CSMD1: variants seen among roughly 807,000 people sequenced by gnomAD.
CSMD1 encodes CUB and Sushi multiple domains 1.
Under a neutral mutation model 417.5 loss-of-function variants are expected in CSMD1, and 213 were observed. That is an observed-to-expected ratio of 0.51 (90% CI 0.46 to 0.57). The LOEUF (loss-of-function observed/expected upper bound fraction) is 0.57. CSMD1 is among the 20% of genes least tolerant of loss of function. The pLI is 0.00. For synonymous variants in CSMD1, 2,862 were observed against 1,736.8 expected (o/e 1.65, Z -16.11); for missense variants, 6,923 against 4,529.7 (o/e 1.53, Z -15.17).
chr8:4,418,228 A>T lies in CSMD1; in HGVS notation c.415+1725T>A, dbSNP rs79984628. On this transcript the variant is annotated intron_variant, in intron 3 of 69. Coordinates refer to ENST00000635120, the MANE Select transcript of CSMD1 (RefSeq NM_033225.6). ...AATACCACAAAATCATTTTCTACAT[A>T]GCCACATTAAAAAATAAATCCAAGT... Among the ~76,000 whole-genome samples the T allele has an allele frequency of 5.1e-3, 769 of 152,252 alleles. 7 individuals are homozygous for T. The highest frequency in any genetic ancestry group is 0.017 in the Middle Eastern group (5 of 294).
At chr8:4,081,798 C>G (rs190283959) in intron 3 of CSMD1, among the ~76,000 whole-genome samples, 1 of 151,950 alleles carries the variant, frequency 6.6e-6, no homozygotes, top group Non-Finnish European at 1.5e-5. Context: ...CTTGAATACA[C>G]AATGGATCAA....
chr8:3,912,800 A>C (rs1808550371), intron 5 of CSMD1, among the ~76,000 whole-genome samples: 1 of 152,238 alleles, frequency 6.6e-6, no homozygotes, highest in Admixed American at 6.5e-5. Flanking sequence ...TGCTAGCTAG[A>C]GTAAACATGG....
chr8:4,775,188 T>A (rs903812730), intron 1 of CSMD1, among the ~76,000 whole-genome samples: 2 of 152,150 alleles, frequency 1.3e-5, no homozygotes, highest in African/African-American at 2.4e-5. Flanking sequence ...TCAACTAGAA[T>A]TTGATTATTT....
chr8:4,451,391 T>C lies in CSMD1; in HGVS notation c.303-31326A>G, dbSNP rs1272930776. Reference sequence around the variant, plus strand: ...CACAAGTGTTTATGGAAGATAATTATTGAACATGTGCTATGATCAGTGTTT... The same window carrying C: ...CACAAGTGTTTATGGAAGATAATTACTGAACATGTGCTATGATCAGTGTTT... On this transcript the variant is annotated intron_variant, in intron 2 of 69. Coordinates refer to ENST00000635120, the MANE Select transcript of CSMD1 (RefSeq NM_033225.6). Among the ~76,000 whole-genome samples the C allele has an allele frequency of 3.3e-5, 5 of 152,274 alleles. No individual in the cohort carries two copies. The East Asian group carries it at 9.7e-4, about 29-fold the overall frequency.
chr8:3,916,708 C>G (rs538181381), intron 5 of CSMD1, among the ~76,000 whole-genome samples: 67 of 152,052 alleles, frequency 4.4e-4, no homozygotes, highest in African/African-American at 1.5e-3. Flanking sequence ...ACAGTCATCA[C>G]AAGGATAGAA....
At chr8:3,890,361 T>C (rs573789023) in intron 5 of CSMD1, among the ~76,000 whole-genome samples, 77 of 152,232 alleles carry the variant, frequency 5.1e-4, no homozygotes, top group African/African-American at 1.8e-3. Context: ...GGTTTACTAC[T>C]TGGTAGGTAT....
At chr8:4,074,016 A>T (rs1179613354) in intron 3 of CSMD1, among the ~76,000 whole-genome samples, 1 of 152,112 alleles carries the variant, frequency 6.6e-6, no homozygotes, top group African/African-American at 2.4e-5. Context: ...TCAAAGAAAA[A>T]TGCATTTATT....
intron 33 of CSMD1, among the ~76,000 whole-genome samples, chr8:3,195,728 G>A (rs995771548): frequency 3.3e-5 from 5 of 152,152 alleles, no homozygotes; most frequent in Admixed American, 2.0e-4. Flanking sequence ...GAATTCCCGG[G>A]AGCTAAGAAA....
chr8:3,655,431 T>A (rs1798051861), intron 7 of CSMD1, among the ~76,000 whole-genome samples: 1 of 152,228 alleles, frequency 6.6e-6, no homozygotes, highest in African/African-American at 2.4e-5. Flanking sequence ...TTAATTAGTT[T>A]ATAGCATATT....
At chr8:3,182,508 C>CAAGAGATTTGAT (rs1821399511) in intron 36 of CSMD1, among the ~76,000 whole-genome samples, 1 of 152,004 alleles carries the variant, frequency 6.6e-6, no homozygotes. Context: ...AGCCACTGCA[C>CAAGAGATTTGAT]CCGGCCCCCA....
chr8:3,240,714 A>G (rs112305976), intron 26 of CSMD1, among the ~76,000 whole-genome samples: 23,706 of 152,026 alleles, frequency 0.16, 1,930 homozygotes, highest in East Asian at 0.23. Flanking sequence ...CTAGAACAGA[A>G]TAATGGGTTG....
chr8:4,100,978 C>A (rs1801275215), intron 3 of CSMD1, among the ~76,000 whole-genome samples: 1 of 152,180 alleles, frequency 6.6e-6, no homozygotes, highest in Admixed American at 6.5e-5. Flanking sequence ...CAGCACAATA[C>A]TGAAATCTGA....
chr8:3,871,119 T>G (rs1805456595), intron 5 of CSMD1, among the ~76,000 whole-genome samples: 1 of 152,128 alleles, frequency 6.6e-6, no homozygotes, highest in African/African-American at 2.4e-5. Context: ...TCTAGAATAT[T>G]TTCAATTTTT....
intron 7 of CSMD1, among the ~76,000 whole-genome samples, chr8:3,639,479 G>A (rs1266534100): frequency 6.6e-6 from 1 of 152,140 alleles, no homozygotes; most frequent in Non-Finnish European, 1.5e-5. Context: ...AACTGAGCAT[G>A]AAAATAAGGA....
At chr8:3,527,645 G>T (rs1180140744) in intron 10 of CSMD1, among the ~76,000 whole-genome samples, 4 of 152,068 alleles carry the variant, frequency 2.6e-5, no homozygotes, top group African/African-American at 9.7e-5. Flanking sequence ...TCTCAAACCA[G>T]GTCTGCAGCT....
At chr8:3,565,326 C>G (rs1231041280) in intron 10 of CSMD1, among the ~76,000 whole-genome samples, 1 of 147,438 alleles carries the variant, frequency 6.8e-6, no homozygotes, top group Non-Finnish European at 1.5e-5. Context: ...GAAAAGTGAA[C>G]AGGGCAGTTG....
chr8:4,174,610 T>C (rs988362367), intron 3 of CSMD1, among the ~76,000 whole-genome samples: 1 of 148,792 alleles, frequency 6.7e-6, no homozygotes, highest in African/African-American at 2.5e-5. Flanking sequence ...GCCTCTTTTA[T>C]AATAATTAAA....
chr8:3,586,564 G>C (rs1235110002), intron 8 of CSMD1, among the ~76,000 whole-genome samples: 7 of 152,024 alleles, frequency 4.6e-5, no homozygotes, highest in Non-Finnish European at 8.8e-5. Context: ...GAATAGTGTG[G>C]CTTTAATAAG....
chr8:3,326,652 C>G (rs985927625), intron 23 of CSMD1, among the ~76,000 whole-genome samples: 1 of 152,204 alleles, frequency 6.6e-6, no homozygotes, highest in Non-Finnish European at 1.5e-5. Flanking sequence ...GTCTTCCCTC[C>G]TTGTAAAATG....
Sources: gnomAD v4.1 joint callset for allele counts (sites outside exome capture counted in the v4.1 genomes callset) on GRCh38, gnomAD v4.1.1 for gene constraint, MANE v1.5 for transcripts, NCBI Gene and HGNC (gene_info 2026-07-23, HGNC 2026-07-21) for gene names.